The following SHTN1 variants were observed in gnomAD, a reference collection of about 807,000 sequenced individuals.
The protein encoded by SHTN1 is shootin 1.
In SHTN1, 42 loss-of-function variants were observed where a neutral mutation model predicts 83.1. That is an observed-to-expected ratio of 0.51 (90% CI 0.39 to 0.65). SHTN1 has a LOEUF of 0.65. Among genes scored for constraint, SHTN1 ranks in the 30% least tolerant of loss-of-function variants. The pLI, the probability that SHTN1 is intolerant of heterozygous loss-of-function variation, is 0.00. For missense variants in SHTN1, 622 were observed against 737.8 expected (o/e 0.84, Z 1.82); for synonymous variants, 224 against 247.7 (o/e 0.90, Z 0.90).
chr10:116,939,002 A>C (rs1849269275), intron 9 of SHTN1, among the ~76,000 whole-genome samples: 1 of 152,180 alleles, frequency 6.6e-6, no homozygotes, highest in Non-Finnish European at 1.5e-5. Flanking sequence ...CAGTAATAGC[A>C]GACACCCTGC....
chr10:116,949,992 T>G (rs142055493), intron 6 of SHTN1, among the ~76,000 whole-genome samples: 1 of 152,196 alleles, frequency 6.6e-6, no homozygotes, highest in Non-Finnish European at 1.5e-5. Flanking sequence ...TGTATTGTAG[T>G]GAACATGTAA....
chr10:117,071,589 A>T (rs1328473542), intron 1 of SHTN1, among the ~76,000 whole-genome samples: 1 of 152,176 alleles, frequency 6.6e-6, no homozygotes, highest in African/African-American at 2.4e-5. Context: ...TTGTTGATAA[A>T]CTTGTGAGGT....
At chr10:116,944,364 T>C (rs890721501) in intron 8 of SHTN1, among the ~76,000 whole-genome samples, 2 of 152,176 alleles carry the variant, frequency 1.3e-5, no homozygotes, top group African/African-American at 4.8e-5. Context: ...TTGTCCATTT[T>C]ACAGATGGTA....
intron 1 of SHTN1, among the ~76,000 whole-genome samples, chr10:117,069,612 C>CT (rs1853052223): frequency 6.6e-6 from 1 of 152,148 alleles, no homozygotes; most frequent in African/African-American, 2.4e-5. Context: ...TCAAGTGTTA[C>CT]ATTACTATTA....
At chr10:117,010,675 T>G (rs1292876911) in intron 2 of SHTN1, among the ~76,000 whole-genome samples, 1 of 151,976 alleles carries the variant, frequency 6.6e-6, no homozygotes, top group Non-Finnish European at 1.5e-5. Flanking sequence ...GTTGCAAAAA[T>G]CCTCAACAAA....
intron 5 of SHTN1, among the ~76,000 whole-genome samples, chr10:116,953,505 G>A (rs1170814329): frequency 4.0e-5 from 6 of 151,832 alleles, no homozygotes; most frequent in Admixed American, 3.9e-4. Context: ...TAAATGATGT[G>A]GGAAGCTTTC....
At chr10:116,949,098 G>A in intron 6 of SHTN1, 101 bp from the exon 7 acceptor site, 1 of 1,254,886 alleles carries the variant, frequency 8.0e-7, no homozygotes, top group Non-Finnish European at 1.0e-6. Flanking sequence ...TCAACATGAA[G>A]TTACAATTTA....
chr10:117,078,586 T>C (rs189511502), intron 1 of SHTN1, among the ~76,000 whole-genome samples: 101 of 152,318 alleles, frequency 6.6e-4, no homozygotes, highest in African/African-American at 2.2e-3. Context: ...TACTTAGCTT[T>C]GATCCATTGT....
chr10:117,084,609 G>A (rs1195441379), intron 1 of SHTN1, among the ~76,000 whole-genome samples: 4 of 152,194 alleles, frequency 2.6e-5, no homozygotes, highest in African/African-American at 7.2e-5. Flanking sequence ...AGCAAGCCTG[G>A]GCAATGGTGG....
At chr10:116,963,186 C>A (rs956868719) in intron 3 of SHTN1, among the ~76,000 whole-genome samples, 30 of 148,996 alleles carry the variant, frequency 2.0e-4, no homozygotes, top group Non-Finnish European at 4.3e-4. Context: ...ATTCTCCTGC[C>A]TCAGCCTCCC....
intron 3 of SHTN1, among the ~76,000 whole-genome samples, chr10:116,963,035 G>GTTTTTTTTTTTTTTTT (rs71013628): frequency 6.6e-5 from 3 of 45,262 alleles, no homozygotes; most frequent in African/African-American, 1.4e-4. Flanking sequence ...AATAATAAAA[G>GTTTTTTTTTTTTTTTT]TTTTTTTTTT....
chr10:116,896,848 C>A (rs906248616), intron 16 of SHTN1, among the ~76,000 whole-genome samples: 2 of 150,618 alleles, frequency 1.3e-5, no homozygotes, highest in Non-Finnish European at 2.9e-5. Context: ...CTCTGTGGCC[C>A]AGGCTGGGAG....
At chr10:117,049,071 A>T (rs1564941631) in intron 1 of SHTN1, among the ~76,000 whole-genome samples, 1 of 152,140 alleles carries the variant, frequency 6.6e-6, no homozygotes, top group Non-Finnish European at 1.5e-5. Context: ...AACTCTAAAA[A>T]ATTTTATCAC....
At chr10:116,930,439 C>T (rs1464055495) in intron 9 of SHTN1, among the ~76,000 whole-genome samples, 1 of 152,004 alleles carries the variant, frequency 6.6e-6, no homozygotes. Flanking sequence ...TCTTTGTGTC[C>T]GTGTGTAATC....
chr10:116,900,432 C>G, intron 16 of SHTN1: 1 of 1,060,682 alleles, frequency 9.4e-7, no homozygotes, highest in Non-Finnish European at 1.4e-6. Context: ...GACCTTGGGC[C>G]TGCAATTATT....
At chr10:117,098,873 T>C (rs1337632345) in intron 1 of SHTN1, among the ~76,000 whole-genome samples, 1 of 152,146 alleles carries the variant, frequency 6.6e-6, no homozygotes, top group African/African-American at 2.4e-5. Context: ...CTGAAGGAGA[T>C]AAAGAATAAC....
intron 1 of SHTN1, among the ~76,000 whole-genome samples, chr10:117,081,922 C>G (rs1028619950): frequency 1.3e-5 from 2 of 150,508 alleles, no homozygotes; most frequent in African/African-American, 4.9e-5. Context: ...TGATTCTTCT[C>G]TCTTTTTTTC....
At position 116,955,100 on chromosome 10, in the gene SHTN1, CAAAAAAA is replaced by C. The variant is rs59777387; in HGVS notation, c.268-897_268-891del. Among the ~76,000 whole-genome samples the C allele has an allele frequency of 6.8e-5, 6 of 87,766 alleles. No homozygotes were observed. The South Asian group carries it at 1.7e-3, about 25-fold the overall frequency. 57.6% of individuals were successfully genotyped at this position (87,766 alleles called of 152,430 possible). On this transcript the variant is annotated intron_variant, in intron 4 of 16. Coordinates refer to ENST00000355371, the MANE Select transcript of SHTN1 (RefSeq NM_001127211.3). The stretch of plus-strand genomic sequence containing the variant: ...CTATTAAAAGAGTTCTACTTCACAG[CAAAAAAA>C]AAAAAAAAAAAAAGGAATCCTACTT...
chr10:117,064,396 C>T (rs1341079297), intron 1 of SHTN1, among the ~76,000 whole-genome samples: 1 of 152,202 alleles, frequency 6.6e-6, no homozygotes, highest in Non-Finnish European at 1.5e-5. Context: ...TAGTTCATGC[C>T]CGTAATCCCG....
Sources: allele counts gnomAD v4.1 joint callset (sites outside exome capture counted in the v4.1 genomes callset), GRCh38; gene constraint gnomAD v4.1.1; transcripts MANE v1.5; gene names NCBI Gene and HGNC (gene_info 2026-07-23, HGNC 2026-07-21).